Variants in CSMD1 observed in about 807,000 individuals in gnomAD.
CSMD1 encodes CUB and Sushi multiple domains 1.
Under a neutral mutation model 417.5 loss-of-function variants are expected in CSMD1, and 213 were observed. The ratio of observed to expected loss-of-function variants is 0.51; its 90% CI spans 0.46 to 0.57. The LOEUF is 0.57. CSMD1 is among the 20% of genes least tolerant of loss of function. The pLI is 0.00. For synonymous variants in CSMD1, 2,862 were observed against 1,736.8 expected (o/e 1.65, Z -16.11); for missense variants, 6,923 against 4,529.7 (o/e 1.53, Z -15.17).
chr8:3,247,188 C>G (rs1427936605), intron 26 of CSMD1, among the ~76,000 whole-genome samples: 1 of 152,130 alleles, frequency 6.6e-6, no homozygotes, highest in Non-Finnish European at 1.5e-5. Context: ...GCTCACAGAC[C>G]ATGTGATTTG....
chr8:4,824,435 G>A (rs1263953776), intron 1 of CSMD1, among the ~76,000 whole-genome samples: 5 of 152,054 alleles, frequency 3.3e-5, no homozygotes, highest in Non-Finnish European at 5.9e-5. Flanking sequence ...GTTCCGGGTA[G>A]AAAAATTGTA....
At chr8:3,806,824 C>A (rs571267097) in intron 5 of CSMD1, among the ~76,000 whole-genome samples, 5 of 152,250 alleles carry the variant, frequency 3.3e-5, no homozygotes, top group Middle Eastern at 3.4e-3. Flanking sequence ...ACTACCTTTT[C>A]TAACCATTTG....
intron 4 of CSMD1, among the ~76,000 whole-genome samples, chr8:4,026,277 T>A (rs1382868313): frequency 6.6e-6 from 1 of 152,196 alleles, no homozygotes; most frequent in Non-Finnish European, 1.5e-5. Context: ...GGAACGCAAT[T>A]TGAAGTCATA....
chr8:4,008,722 TG>T (rs1816326036), intron 4 of CSMD1, among the ~76,000 whole-genome samples: 1 of 146,382 alleles, frequency 6.8e-6, no homozygotes. Flanking sequence ...ATCATTCTCC[TG>T]CCTCAGCCTC....
chr8:4,034,940 A>G (rs1326784721), intron 3 of CSMD1, among the ~76,000 whole-genome samples: 1 of 152,180 alleles, frequency 6.6e-6, no homozygotes, highest in East Asian at 1.9e-4. Flanking sequence ...GAAAATGCAA[A>G]TGAAACACTC....
Position 4,935,031 on chromosome 8 carries a change from G to T in CSMD1, c.85+59301C>A, listed in dbSNP as rs895822237. On this transcript the variant is annotated intron_variant, in intron 1 of 69. Coordinates refer to ENST00000635120, the MANE Select transcript of CSMD1 (RefSeq NM_033225.6). ...TATACATATCTATCTAGAACTTAAGGATTTCTATATACACACTTATGCAGA... is the reference window on the plus strand; with the variant it reads ...TATACATATCTATCTAGAACTTAAGTATTTCTATATACACACTTATGCAGA... Among the ~76,000 whole-genome samples, 23 of 152,024 alleles carry T rather than the reference G, an allele frequency of 1.5e-4. 1 individual carries two copies. The highest frequency in any genetic ancestry group is 6.6e-5 in the Admixed American group (1 of 15,250).
intron 11 of CSMD1, among the ~76,000 whole-genome samples, chr8:3,487,080 G>A (rs1041770142): frequency 6.6e-6 from 1 of 152,198 alleles, no homozygotes; most frequent in Admixed American, 6.5e-5. Flanking sequence ...ACCAGGCCAA[G>A]TAACCATTAC....
chr8:3,181,820 G>A (rs527305754), intron 36 of CSMD1, among the ~76,000 whole-genome samples: 10 of 152,140 alleles, frequency 6.6e-5, no homozygotes, highest in Admixed American at 3.9e-4. Context: ...GTAACTAACC[G>A]ATTGGAAAGG....
In CSMD1 at chr8:3,387,512, C is replaced by G. The variant is rs771033685; in HGVS notation, c.2764G>C (p.Ala922Pro). ...VCERNHQWNH[A>P]LPSCDALCGG... ...TACCTACCGTCGCAGCTGGGCAAGG[C>G]GTGGTTCCACTGGTGGTTCCTCTCA... Residue 922 changes from alanine to proline, a missense_variant, in exon 18 of 70, where the codon GCC becomes CCC. By Grantham distance (27) the Ala-to-Pro change is conservative (BLOSUM62 -1). Coordinates refer to ENST00000635120, the MANE Select transcript of CSMD1 (RefSeq NM_033225.6). 154 of 1,600,852 alleles carry G rather than the reference C, an allele frequency of 9.6e-5. No individual in the cohort carries two copies. The highest frequency in any genetic ancestry group is 1.2e-4 in the Non-Finnish European group (144 of 1,173,708).
chr8:3,222,817 A>G lies in CSMD1; in HGVS notation c.4484+912T>C, dbSNP rs546653134. ...TTCAGGAAAAGATGACTATCAACCA[A>G]CTTAAGATTCAGAATCATAGAAACG... On this transcript the variant is annotated intron_variant, in intron 28 of 69. Transcript: ENST00000635120. 3.0e-4 allele frequency among the ~76,000 whole-genome samples: 45 copies of G among 152,302 alleles called. 1 individual carries two copies. Among genetic ancestry groups the G allele is most frequent in the Admixed American group, 2.4e-3 (36 of 15,294 alleles).
At chr8:3,626,079 T>C (rs758045534) in intron 7 of CSMD1, among the ~76,000 whole-genome samples, 6 of 152,170 alleles carry the variant, frequency 3.9e-5, no homozygotes, top group Non-Finnish European at 7.3e-5. Flanking sequence ...GCCTGGAGAA[T>C]CGTCCTCATC....
At position 4,813,802 on chromosome 8, in the gene CSMD1, C is replaced by T. The variant is rs542454550; in HGVS notation, c.86-176244G>A. On this transcript the variant is annotated intron_variant, in intron 1 of 69. Coordinates refer to ENST00000635120, the MANE Select transcript of CSMD1 (RefSeq NM_033225.6). ...TGTTGCTTGAGAATGTCTAGGGTTG[C>T]CATCGAATTTCATCAGATACAAGGC... Among the ~76,000 whole-genome samples, 14 of 152,262 alleles carry T rather than the reference C, an allele frequency of 9.2e-5. No individual in the cohort carries two copies. In the South Asian group the frequency reaches 2.7e-3, roughly 29 times the overall value.
intron 69 of CSMD1, among the ~76,000 whole-genome samples, chr8:2,942,122 A>T (rs1488427203): frequency 6.6e-6 from 1 of 152,078 alleles, no homozygotes; most frequent in East Asian, 1.9e-4. Context: ...TGGGAGCTGA[A>T]CGATGAGAAC....
intron 5 of CSMD1, among the ~76,000 whole-genome samples, chr8:3,774,493 A>C (rs1305878560): frequency 3.9e-5 from 6 of 152,172 alleles, no homozygotes; most frequent in Non-Finnish European, 7.3e-5. Context: ...GAGACGGTTA[A>C]ATAAATAAAT....
At chr8:3,344,992 T>A (rs571908024) in intron 22 of CSMD1, among the ~76,000 whole-genome samples, 1 of 152,288 alleles carries the variant, frequency 6.6e-6, no homozygotes, top group East Asian at 1.9e-4. Flanking sequence ...ATCCAGAGAC[T>A]AAATGGTTTT....
chr8:4,728,732 C>T (rs772024022), intron 1 of CSMD1, among the ~76,000 whole-genome samples: 11 of 151,926 alleles, frequency 7.2e-5, no homozygotes, highest in East Asian at 1.9e-4. Context: ...TCAGTAGATG[C>T]TCAATTAATA....
At chr8:3,935,380 C>G (rs1810417416) in intron 5 of CSMD1, among the ~76,000 whole-genome samples, 1 of 152,212 alleles carries the variant, frequency 6.6e-6, no homozygotes, top group Non-Finnish European at 1.5e-5. Flanking sequence ...CATACCTAAT[C>G]TCTTTGGACT....
rs1367034366 is a variant in CSMD1, at chr8:3,272,651, C to G, written c.4153+11493G>C. 1.2e-4 allele frequency among the ~76,000 whole-genome samples: 17 copies of G among 138,566 alleles called. No homozygotes were observed. In the South Asian group the frequency reaches 3.8e-3, roughly 31 times the overall value. 90.9% of individuals were successfully genotyped at this position (138,566 alleles called of 152,430 possible). A position where few individuals can be genotyped will look rare whatever the true frequency, so the allele number is the denominator to read the frequency against. On this transcript the variant is annotated intron_variant, in intron 26 of 69. Transcript: ENST00000635120. ...CTCCTTGAAGAGGTCCTTCACATCC[C>G]TTGTAAGTTGGATTCCTAGGTATTT...
At chr8:3,816,441 T>C (rs1002365796) in intron 5 of CSMD1, among the ~76,000 whole-genome samples, 1 of 152,214 alleles carries the variant, frequency 6.6e-6, no homozygotes, top group African/African-American at 2.4e-5. Context: ...ATAGTTATCA[T>C]TGTTCTATTC....
Sources: gnomAD v4.1 joint callset for allele counts (sites outside exome capture counted in the v4.1 genomes callset) on GRCh38, gnomAD v4.1.1 for gene constraint, MANE v1.5 for transcripts, NCBI Gene and HGNC (gene_info 2026-07-23, HGNC 2026-07-21) for gene names.